Variants in LRRTM4 observed in about 807,000 individuals in gnomAD.
LRRTM4 encodes leucine rich repeat transmembrane neuronal 4.
In LRRTM4, 25 loss-of-function variants were observed where a neutral mutation model predicts 47.6. The observed-to-expected ratio is 0.53, with a 90% CI of 0.38 to 0.73. LRRTM4 has a LOEUF of 0.73. Ranked by LOEUF, LRRTM4 falls within the 30% of genes least tolerant of loss-of-function variation. LRRTM4 has a pLI of 0.00. For missense variants in LRRTM4, 638 were observed against 713.4 expected, an observed-to-expected ratio of 0.89 and a Z score of 1.20; for synonymous variants, 311 against 269.5, an observed-to-expected ratio of 1.15 and a Z score of -1.51.
intron 3 of LRRTM4, among the ~76,000 whole-genome samples, chr2:77,305,578 A>G (rs1677248952): frequency 1.3e-5 from 2 of 152,136 alleles, no homozygotes; most frequent in African/African-American, 4.8e-5. Context: ...TCAGGTGTTT[A>G]ATATTCAACA....
rs777218046 is a variant in LRRTM4 at position 76,748,775 on chromosome 2, G to C, written c.1693C>G (p.Leu565Val). The C allele has an allele frequency of 9.9e-6, 16 of 1,613,892 alleles. No homozygotes were observed. The African/African-American group carries it at 1.5e-4, about 15-fold the overall frequency. The change falls in exon 4 of 4, where the codon CTG (leucine) becomes GTG (valine). Residue 565 changes from leucine (L) to valine (V), a missense_variant. Physicochemically the swap from Leu to Val is conservative, Grantham distance 32 (BLOSUM62 1). Coordinates refer to ENST00000409884, the MANE Select transcript of LRRTM4 (RefSeq NM_001134745.3). ...PEQDESPGLE[L>V]GRDHSFIATI... The stretch of plus-strand genomic sequence containing the variant: ...GCGATGAAGCTGTGGTCTCGGCCCA[G>C]CTCCAGGCCGGGGCTTTCGTCCTGC...
intron 3 of LRRTM4, among the ~76,000 whole-genome samples, chr2:77,248,397 A>G (rs1476674996): frequency 6.6e-6 from 1 of 152,024 alleles, no homozygotes; most frequent in Non-Finnish European, 1.5e-5. Flanking sequence ...AAATCAAACA[A>G]GAACTAAATA....
intron 3 of LRRTM4, among the ~76,000 whole-genome samples, chr2:76,940,432 A>G (rs1001048474): frequency 1.3e-5 from 2 of 152,188 alleles, no homozygotes; most frequent in African/African-American, 4.8e-5. Flanking sequence ...TGGGTGCTAA[A>G]TGATAAGAAC....
At chr2:77,459,612 A>AT (rs34022356) in intron 3 of LRRTM4, among the ~76,000 whole-genome samples, 33,469 of 151,928 alleles carry the variant, frequency 0.22, 3,916 homozygotes, top group East Asian at 0.39. Context: ...ACACTTATAT[A>AT]AACAGTTTAT....
intron 3 of LRRTM4, among the ~76,000 whole-genome samples, chr2:76,806,243 A>G (rs1221411917): frequency 6.6e-6 from 1 of 152,168 alleles, no homozygotes; most frequent in Non-Finnish European, 1.5e-5. Context: ...TAAACTGTAA[A>G]ATTAGAAGAT....
At chr2:76,869,274 A>T (rs979858695) in intron 3 of LRRTM4, among the ~76,000 whole-genome samples, 1 of 151,852 alleles carries the variant, frequency 6.6e-6, no homozygotes, top group African/African-American at 2.4e-5. Context: ...ACACCACTGC[A>T]CTCCAGCCTG....
chr2:77,428,218 A>G (rs1327241337), intron 3 of LRRTM4, among the ~76,000 whole-genome samples: 2 of 152,124 alleles, frequency 1.3e-5, no homozygotes, highest in African/African-American at 4.8e-5. Context: ...TCTTTCCTTT[A>G]TAAATTACCT....
At chr2:76,998,615 T>A (rs562136330) in intron 3 of LRRTM4, among the ~76,000 whole-genome samples, 2 of 152,088 alleles carry the variant, frequency 1.3e-5, no homozygotes, top group South Asian at 4.2e-4. Flanking sequence ...GCAATTTTTG[T>A]ACACATTGAA....
intron 3 of LRRTM4, among the ~76,000 whole-genome samples, chr2:77,222,744 C>T (rs1241648307): frequency 6.6e-6 from 1 of 152,096 alleles, no homozygotes; most frequent in African/African-American, 2.4e-5. Context: ...AATTCCAGGA[C>T]CAGATGGATT....
At chr2:77,495,802 T>C (rs1021856623) in intron 3 of LRRTM4, among the ~76,000 whole-genome samples, 1 of 152,070 alleles carries the variant, frequency 6.6e-6, no homozygotes, top group Admixed American at 6.6e-5. Context: ...TGAAATAAGA[T>C]AGTGCTGACA....
chr2:77,411,017 C>A (rs940575206), intron 3 of LRRTM4, among the ~76,000 whole-genome samples: 1 of 152,120 alleles, frequency 6.6e-6, no homozygotes, highest in Non-Finnish European at 1.5e-5. Context: ...AGATTATAAT[C>A]TACCTGGAAC....
chr2:76,808,162 A>T (rs1162373766), intron 3 of LRRTM4, among the ~76,000 whole-genome samples: 2 of 151,496 alleles, frequency 1.3e-5, no homozygotes, highest in African/African-American at 4.9e-5. Context: ...CAGGGATTAC[A>T]GGCGCCCGCC....
rs534166401 is a variant in LRRTM4 at position 76,911,024 on chromosome 2, T to G, written c.1552-162108A>C. On this transcript the variant is annotated intron_variant, in intron 3 of 3. Coordinates refer to ENST00000409884, the MANE Select transcript of LRRTM4 (RefSeq NM_001134745.3). ...TGCAACCATCTAAAGTGGCCAACTT[T>G]GCTGAATACAAGGAATTCCATTTTG... 5.3e-5 allele frequency among the ~76,000 whole-genome samples: 8 copies of G among 152,378 alleles called. No individual in the cohort carries two copies. In the East Asian group the frequency reaches 1.5e-3, roughly 29 times the overall value.
At chr2:76,907,141 A>G (rs1673871534) in intron 3 of LRRTM4, among the ~76,000 whole-genome samples, 1 of 151,702 alleles carries the variant, frequency 6.6e-6, no homozygotes, top group Middle Eastern at 3.2e-3. Flanking sequence ...ATAACAAACT[A>G]TCTCTCAGAC....
chr2:77,189,634 C>T lies in LRRTM4; in HGVS notation c.1551+328684G>A, dbSNP rs375914187. Among the ~76,000 whole-genome samples, 5 of 152,120 alleles carry T rather than the reference C, an allele frequency of 3.3e-5. No individual in the cohort carries two copies. The East Asian group carries it at 5.8e-4, about 18-fold the overall frequency. On this transcript the variant is annotated intron_variant, in intron 3 of 3. Transcript: ENST00000409884. ...CATCAGAACCCAACCATGCCGGCACCGTGATCTTACACTTCCAGTCTTCAG... is the reference window on the plus strand; with the variant it reads ...CATCAGAACCCAACCATGCCGGCACTGTGATCTTACACTTCCAGTCTTCAG...
chr2:77,501,503 T>C (rs972738806), intron 3 of LRRTM4, among the ~76,000 whole-genome samples: 3 of 150,958 alleles, frequency 2.0e-5, no homozygotes, highest in African/African-American at 4.8e-5. Flanking sequence ...AAAAAGTTAG[T>C]TGAATTATTT....
At chr2:77,327,199 G>T (rs980216133) in intron 3 of LRRTM4, among the ~76,000 whole-genome samples, 16 of 152,206 alleles carry the variant, frequency 1.1e-4, no homozygotes, top group African/African-American at 3.9e-4. Flanking sequence ...TGGTACTAAA[G>T]TATAACTTTG....
chr2:77,350,158 T>TAA (rs573449261), intron 3 of LRRTM4, among the ~76,000 whole-genome samples: 2 of 145,018 alleles, frequency 1.4e-5, no homozygotes, highest in Non-Finnish European at 3.0e-5. Context: ...CCGTCTCTAC[T>TAA]AAAAAAAAAT....
At chr2:77,045,417 T>C (rs1214239818) in intron 3 of LRRTM4, among the ~76,000 whole-genome samples, 1 of 151,910 alleles carries the variant, frequency 6.6e-6, no homozygotes, top group East Asian at 1.9e-4. Context: ...AATTCAATCA[T>C]TATTCACCTT....
Sources: allele counts gnomAD v4.1 joint callset (sites outside exome capture counted in the v4.1 genomes callset), GRCh38; gene constraint gnomAD v4.1.1; transcripts MANE v1.5; gene names NCBI Gene and HGNC (gene_info 2026-07-23, HGNC 2026-07-21).